The following SHF variants were observed in gnomAD, a reference collection of about 807,000 sequenced individuals.
SHF encodes SH2 domain-containing adapter protein F.
In SHF, 30 loss-of-function variants were observed where a neutral mutation model predicts 42.4. The observed-to-expected ratio is 0.71, with a 90% CI of 0.53 to 0.96. SHF has a LOEUF of 0.96. Ranked by LOEUF, SHF falls within the 40% of genes least tolerant of loss-of-function variation. The pLI is 0.00. For missense variants in SHF, 598 were observed against 634.0 expected (o/e 0.94, Z 0.61); for synonymous variants, 264 against 269.9 (o/e 0.98, Z 0.21).
At chr15:45,189,115 C>T (rs1222921860), upstream of SHF, among the ~76,000 whole-genome samples, 1 of 151,390 alleles carries the variant, frequency 6.6e-6, no homozygotes, top group East Asian at 2.0e-4. Flanking sequence ...ATCGCTTGAA[C>T]CCAGGAGGCA....
intron 6 of SHF, chr15:45,170,639 C>CTTT: frequency 4.0e-6 from 1 of 251,298 alleles, no homozygotes; most frequent in Non-Finnish European, 7.5e-6. Flanking sequence ...TTTCTATTAT[C>CTTT]TTTTTCTTTT....
chr15:45,198,624 A>C, intron 2 of SHF: 1 of 1,005,172 alleles, frequency 9.9e-7, no homozygotes, highest in Non-Finnish European at 1.4e-6. Flanking sequence ...CTCGGATTCG[A>C]ACCGAGGTTG....
At chr15:45,186,693 G>A (rs974047970) in intron 1 of SHF, among the ~76,000 whole-genome samples, 1 of 152,252 alleles carries the variant, frequency 6.6e-6, no homozygotes, top group Non-Finnish European at 1.5e-5. Flanking sequence ...GGGAGGCCAG[G>A]AGGAGAGGAG....
intron 6 of SHF, among the ~76,000 whole-genome samples, chr15:45,170,004 G>A (rs1023488882): frequency 6.6e-6 from 1 of 152,254 alleles, no homozygotes; most frequent in Non-Finnish European, 1.5e-5. Flanking sequence ...GGCTCTGGCA[G>A]ACAGATGCGG....
At position 45,175,341 on chromosome 15, in the gene SHF, G is replaced by C. The variant is rs771627073; in HGVS notation, c.725C>G (p.Ala242Gly). ...GGGCCAGGGGGCCCCCTCACCTTCC[G>C]CGGTGGCCCCATCCTCCTCTGGCTC... The part of the protein sequence containing the change: ...PYEPEEDGAT[A>G]EGEGAPWPRE... The change falls in exon 3 of 7, where the codon GCG becomes GGG. Residue 242 changes from alanine to glycine, a missense_variant. By Grantham distance (60) the Ala-to-Gly change is moderately conservative. This residue lies in a region of SHF where 439 missense variants were observed against 524.6 expected (regional missense o/e 0.84). Coordinates refer to ENST00000690270, the MANE Select transcript of SHF (RefSeq NM_001394037.1). 6.2e-7 allele frequency: 1 copy of C among 1,602,500 alleles called. No homozygotes were observed. The highest frequency in any genetic ancestry group is 1.1e-5 in the South Asian group (1 of 88,954).
chr15:45,188,351 C>A (rs1270494179), upstream of SHF, among the ~76,000 whole-genome samples: 1 of 152,208 alleles, frequency 6.6e-6, no homozygotes, highest in Non-Finnish European at 1.5e-5. Context: ...TACGCCTCTC[C>A]TCTTCCCTCT....
At chr15:45,199,435 C>T (rs937622017) in intron 1 of SHF, among the ~76,000 whole-genome samples, 3 of 152,216 alleles carry the variant, frequency 2.0e-5, no homozygotes, top group Non-Finnish European at 4.4e-5. Context: ...AAGTGAATTC[C>T]AGAGAGAACA....
chr15:45,175,282 G>T lies in SHF; in HGVS notation c.784C>A (p.Pro262Thr). 6.2e-7 allele frequency: 1 copy of T among 1,611,916 alleles called. No individual in the cohort carries two copies. The highest frequency in any genetic ancestry group is 8.5e-7 in the Non-Finnish European group (1 of 1,179,144). ...ESRLPEDDER[P>T]PEEYDQPWEW... ...CAGGGCTGGTCATACTCCTCAGGGG[G>T]CCTCTCATCATCCTCTGGCAGGCGG... The change falls in exon 3 of 7, where the codon CCC becomes ACC. Residue 262 changes from proline to threonine, a missense_variant. Coordinates refer to ENST00000690270, the MANE Select transcript of SHF (RefSeq NM_001394037.1).
intron 1 of SHF, among the ~76,000 whole-genome samples, chr15:45,186,892 C>T (rs1198074303): frequency 6.6e-6 from 1 of 152,270 alleles, no homozygotes; most frequent in Non-Finnish European, 1.5e-5. Flanking sequence ...CCAGCTCGTG[C>T]TGTGTCCGCA....
At chr15:45,196,788 A>G (rs971139153) in intron 2 of SHF, among the ~76,000 whole-genome samples, 10 of 151,672 alleles carry the variant, frequency 6.6e-5, no homozygotes, top group African/African-American at 2.4e-4. Context: ...AGCCCCAGCT[A>G]CTCGGGAGGC....
chr15:45,193,342 G>A (rs1898763603), intron 2 of SHF, among the ~76,000 whole-genome samples: 1 of 152,202 alleles, frequency 6.6e-6, no homozygotes, highest in Admixed American at 6.5e-5. Flanking sequence ...ACATTGGTCT[G>A]GTCTGGAAAG....
intron 2 of SHF, chr15:45,198,571 A>G (rs947077198): frequency 8.9e-6 from 5 of 559,990 alleles, no homozygotes; most frequent in East Asian, 3.0e-5. Context: ...GGGGAAAAAA[A>G]TACCGAGCCC....
At chr15:45,194,283 T>G (rs1898799899) in intron 2 of SHF, among the ~76,000 whole-genome samples, 1 of 152,042 alleles carries the variant, frequency 6.6e-6, no homozygotes, top group African/African-American at 2.4e-5. Flanking sequence ...TATTATTCTT[T>G]TTGATGCCCA....
chr15:45,199,234 T>A, intron 1 of SHF: 1 of 818,694 alleles, frequency 1.2e-6, no homozygotes, highest in African/African-American at 1.9e-5. Flanking sequence ...TCCTCCTGAC[T>A]CCTCCTTCCG....
chr15:45,189,438 G>C (rs1898641039), upstream of SHF, among the ~76,000 whole-genome samples: 2 of 139,818 alleles, frequency 1.4e-5, no homozygotes. Flanking sequence ...TCCGTCGCTG[G>C]AGTACAGTGG....
chr15:45,168,665 G>C (rs1204359498), intron 6 of SHF, among the ~76,000 whole-genome samples: 1 of 152,198 alleles, frequency 6.6e-6, no homozygotes, highest in African/African-American at 2.4e-5. Flanking sequence ...TGATCTGGAA[G>C]ACCCCCCAAA....
At chr15:45,196,680 G>A (rs1898873018) in intron 2 of SHF, among the ~76,000 whole-genome samples, 1 of 152,066 alleles carries the variant, frequency 6.6e-6, no homozygotes, top group South Asian at 2.1e-4. Context: ...GGCAGAACAC[G>A]AGGTCAGGAG....
At chr15:45,173,960 C>G (rs1897659368) in intron 3 of SHF, among the ~76,000 whole-genome samples, 1 of 152,136 alleles carries the variant, frequency 6.6e-6, no homozygotes, top group South Asian at 2.1e-4. Context: ...CAGCAGGATG[C>G]AGGGGCTTGC....
rs139267932 is a variant in SHF, at chr15:45,193,812, T to C, written c.303+4960A>G. Among the ~76,000 whole-genome samples the C allele has an allele frequency of 1.2e-3, 188 of 151,846 alleles. 1 individual carries two copies. The highest frequency in any genetic ancestry group is 4.2e-3 in the African/African-American group (172 of 41,406). On this transcript the variant is annotated intron_variant, in intron 2 of 7. Coordinates refer to the SHF transcript ENST00000290894. ...AGGACAGGAGGTAGCCCTGAGCTGG[T>C]AGGATTTGGACAGATGAAGCAAATG...
Sources: gnomAD v4.1 joint callset for allele counts (sites outside exome capture counted in the v4.1 genomes callset) on GRCh38, gnomAD v4.1.1 for gene constraint, gnomAD v4.1.1 regional missense constraint, MANE v1.5 for transcripts, NCBI Gene and HGNC (gene_info 2026-07-23, HGNC 2026-07-21) for gene names.